Variants in LAMA2 observed in about 807,000 individuals in gnomAD.
The protein encoded by LAMA2 is laminin subunit alpha-2.
In LAMA2, 269 loss-of-function variants were observed where a neutral mutation model predicts 364.8. That is an observed-to-expected ratio of 0.74 (90% CI 0.67 to 0.82). The LOEUF is 0.82. Ranked by LOEUF, LAMA2 falls within the 40% of genes least tolerant of loss-of-function variation. LAMA2 has a pLI of 0.00. For synonymous variants in LAMA2, 1,379 were observed against 1,370.6 expected (o/e 1.01, Z -0.14); for missense variants, 3,807 against 3,873.2 (o/e 0.98, Z 0.45).
intron 12 of LAMA2, among the ~76,000 whole-genome samples, chr6:129,224,805 G>A (rs563981208): frequency 2.0e-5 from 3 of 152,164 alleles, no homozygotes; most frequent in African/African-American, 2.4e-5. Context: ...CTTTTTTGTT[G>A]TGTCTCTGCC....
chr6:129,238,732 G>T (rs768334178), intron 12 of LAMA2, among the ~76,000 whole-genome samples: 2 of 152,064 alleles, frequency 1.3e-5, no homozygotes, highest in South Asian at 2.1e-4. Flanking sequence ...AGCCACGATT[G>T]CTCCATCTAT....
intron 34 of LAMA2, 113 bp downstream of exon 34, chr6:129,370,103 A>G: frequency 7.1e-6 from 6 of 844,970 alleles, no homozygotes; most frequent in Non-Finnish European, 1.2e-5. Flanking sequence ...CCAATTTGGT[A>G]TATAAAATAG....
At chr6:129,365,600 T>C (rs1016259320) in intron 32 of LAMA2, among the ~76,000 whole-genome samples, 1 of 152,122 alleles carries the variant, frequency 6.6e-6, no homozygotes, top group South Asian at 2.1e-4. Context: ...TGACCTCAGG[T>C]GATCCACCCA....
chr6:129,354,501 ATAAT>A (rs1184809582), intron 32 of LAMA2, among the ~76,000 whole-genome samples: 2 of 152,126 alleles, frequency 1.3e-5, no homozygotes, highest in Admixed American at 1.3e-4. Context: ...TATTTTAATG[ATAAT>A]TAAAGAAGTA....
intron 60 of LAMA2, among the ~76,000 whole-genome samples, chr6:129,504,853 T>C (rs1281561304): frequency 3.3e-5 from 5 of 152,262 alleles, no homozygotes; most frequent in Non-Finnish European, 7.3e-5. Flanking sequence ...TGAATTTTGC[T>C]ACCCACTTAA....
chr6:129,116,124 G>A (rs1266067600), intron 4 of LAMA2, among the ~76,000 whole-genome samples: 1 of 152,104 alleles, frequency 6.6e-6, no homozygotes, highest in African/African-American at 2.4e-5. Flanking sequence ...TATAAAAGCA[G>A]GTAGAGAATC....
intron 1 of LAMA2, among the ~76,000 whole-genome samples, chr6:129,037,366 T>A (rs1002445851): frequency 6.6e-5 from 10 of 152,176 alleles, no homozygotes; most frequent in African/African-American, 2.2e-4. Context: ...TGTATTATTG[T>A]AAACAGTATA....
At chr6:129,480,595 C>T (rs1435600466) in intron 54 of LAMA2, among the ~76,000 whole-genome samples, 1 of 152,162 alleles carries the variant, frequency 6.6e-6, no homozygotes, top group African/African-American at 2.4e-5. Context: ...AAGCTATATG[C>T]TTCTGCACAG....
chr6:129,101,437 A>C (rs1775513828), intron 4 of LAMA2, among the ~76,000 whole-genome samples: 1 of 152,076 alleles, frequency 6.6e-6, no homozygotes, highest in Non-Finnish European at 1.5e-5. Context: ...TCTGATTTCC[A>C]TTGCTTATGT....
At chr6:129,317,239 T>C (rs909642262) in intron 27 of LAMA2, among the ~76,000 whole-genome samples, 6 of 152,132 alleles carry the variant, frequency 3.9e-5, no homozygotes, top group African/African-American at 1.4e-4. Context: ...CAATTTCTCT[T>C]TCATGTCAGT....
intron 51 of LAMA2, among the ~76,000 whole-genome samples, chr6:129,466,145 T>A (rs1306630713): frequency 6.6e-6 from 1 of 151,970 alleles, no homozygotes; most frequent in South Asian, 2.1e-4. Flanking sequence ...AGGCACCTTC[T>A]AAGTACCATG....
At chr6:129,499,751 T>TCTA (rs1785477818) in intron 58 of LAMA2, among the ~76,000 whole-genome samples, 1 of 152,164 alleles carries the variant, frequency 6.6e-6, no homozygotes, top group South Asian at 2.1e-4. Context: ...AGGTTCTTGC[T>TCTA]CTACTGTCCA....
At chr6:129,187,933 T>C (rs980154620) in intron 10 of LAMA2, among the ~76,000 whole-genome samples, 2 of 151,906 alleles carry the variant, frequency 1.3e-5, no homozygotes, top group African/African-American at 2.4e-5. Context: ...AATGAATTCT[T>C]GTTCCCAATG....
chr6:129,283,176 A>G (rs1788847045), intron 18 of LAMA2, among the ~76,000 whole-genome samples: 1 of 152,138 alleles, frequency 6.6e-6, no homozygotes, highest in African/African-American at 2.4e-5. Flanking sequence ...GGTATTCATG[A>G]TGATACCTTT....
intron 34 of LAMA2, among the ~76,000 whole-genome samples, chr6:129,381,331 C>CTT (rs71028155): frequency 1.3e-5 from 2 of 151,168 alleles, no homozygotes; most frequent in Non-Finnish European, 1.5e-5. Context: ...CTACGAACAT[C>CTT]TTTTTTTTTC....
chr6:129,162,575 G>A (rs536273676), intron 8 of LAMA2, among the ~76,000 whole-genome samples: 30 of 151,984 alleles, frequency 2.0e-4, no homozygotes, highest in African/African-American at 7.0e-4. Flanking sequence ...AGTTACAGAG[G>A]TGTGTGTTTT....
chr6:129,099,132 T>TG (rs959359525), intron 4 of LAMA2, among the ~76,000 whole-genome samples: 3 of 149,206 alleles, frequency 2.0e-5, no homozygotes, highest in Admixed American at 6.7e-5. Flanking sequence ...TTTGTTTTTT[T>TG]TTTTTTTGTT....
intron 40 of LAMA2, among the ~76,000 whole-genome samples, chr6:129,409,680 A>G (rs769436472): frequency 2.6e-5 from 4 of 152,108 alleles, no homozygotes; most frequent in Non-Finnish European, 4.4e-5. Flanking sequence ...AGAGGCTTCC[A>G]CCTCTAGGAG....
intron 1 of LAMA2, among the ~76,000 whole-genome samples, chr6:128,980,342 C>T (rs9492171): frequency 0.021 from 3,231 of 152,210 alleles, 61 homozygotes; most frequent in African/African-American, 0.039. Flanking sequence ...TGCACAAATA[C>T]GCGTAGTCTG....
Sources: allele counts gnomAD v4.1 joint callset (sites outside exome capture counted in the v4.1 genomes callset), GRCh38; gene constraint gnomAD v4.1.1; transcripts MANE v1.5; gene names NCBI Gene and HGNC (gene_info 2026-07-23, HGNC 2026-07-21).